Variants in DNMBP observed in about 807,000 individuals in gnomAD.
DNMBP encodes dynamin-binding protein.
Under a neutral mutation model 150.0 loss-of-function variants are expected in DNMBP, and 87 were observed. The observed-to-expected ratio is 0.58, with a 90% CI of 0.49 to 0.69. The LOEUF (loss-of-function observed/expected upper bound fraction) is 0.69, where lower values mean the gene tolerates loss of function less well. Ranked by LOEUF, DNMBP falls within the 30% of genes least tolerant of loss-of-function variation. The probability of loss-of-function intolerance (pLI) is 0.00; values close to 1 mark genes in which losing one functional copy is unlikely to be tolerated. For synonymous variants in DNMBP, 711 were observed against 750.4 expected (o/e 0.95, Z 0.86); for missense variants, 1,774 against 1,949.0 (o/e 0.91, Z 1.69).
At chr10:99,969,616 G>A (rs187076102) in intron 2 of DNMBP, among the ~76,000 whole-genome samples, 2 of 152,256 alleles carry the variant, frequency 1.3e-5, no homozygotes, top group Non-Finnish European at 2.9e-5. Context: ...AAATTGTTAC[G>A]GAAGTTCAGA....
At chr10:99,909,376 T>C (rs1019559425) in intron 4 of DNMBP, among the ~76,000 whole-genome samples, 1 of 152,192 alleles carries the variant, frequency 6.6e-6, no homozygotes, top group African/African-American at 2.4e-5. Context: ...GAATGTGTCC[T>C]GAAAAGAAGT....
intron 4 of DNMBP, among the ~76,000 whole-genome samples, chr10:99,919,725 T>C (rs1346875972): frequency 1.3e-5 from 2 of 152,202 alleles, no homozygotes; most frequent in Non-Finnish European, 2.9e-5. Context: ...AAGCGGAGGC[T>C]ACAGTGAGCC....
chr10:99,880,137 GA>G lies in DNMBP; in HGVS notation c.4221del (p.Pro1408LeufsTer15). The G allele has an allele frequency of 6.2e-7, 1 of 1,614,154 alleles. No homozygotes were observed. Among genetic ancestry groups the G allele is most frequent in the Non-Finnish European group, 8.5e-7 (1 of 1,180,036 alleles). ...GSCQKQPQDA[S>X]PPPKECDQGT... ...CCTTGGTCACATTCTTTTGGCGGAG[GA>G]GATGCATCTTGAGGCTGCTTCTGGC... On this transcript the variant is annotated frameshift_variant, in exon 16 of 17. Transcript: ENST00000324109. LOFTEE classifies it high-confidence loss of function.
intron 6 of DNMBP, among the ~76,000 whole-genome samples, chr10:99,901,493 T>TA (rs947678243): frequency 1.6e-4 from 24 of 152,056 alleles, no homozygotes; most frequent in South Asian, 6.2e-4. Flanking sequence ...TAAAAACTAG[T>TA]AAAAAAAATA....
At chr10:99,907,865 AACCTCTGGACTAAGTACC>A in intron 6 of DNMBP, 112 bp downstream of exon 6, 1 of 640,888 alleles carries the variant, frequency 1.6e-6, no homozygotes, top group Non-Finnish European at 2.7e-6. Context: ...GAGGACAAGT[AACCTCTGGACTAAGTACC>A]TACACCTGTA....
At position 99,907,940 on chromosome 10, in the gene DNMBP, C is replaced by T. The variant is rs897161852; in HGVS notation, c.2554+55G>A. ...TCAGTATCAGGAAGGCCACTTACTC[C>T]TGCCCATGAAGTTTTTTTAAAAAGC... is the stretch of plus-strand genomic sequence containing the variant. On this transcript the variant is annotated intron_variant, in intron 6 of 16. Transcript: ENST00000324109. The T allele has an allele frequency of 2.2e-6, 3 of 1,368,654 alleles. No homozygotes were observed. In the African/African-American group the frequency reaches 4.3e-5, roughly 20 times the overall value. 84.8% of individuals were successfully genotyped at this position (1,368,654 alleles called of 1,614,324 possible). A position where few individuals can be genotyped will look rare whatever the true frequency, so the allele number is the denominator to read the frequency against.
In DNMBP at chr10:99,886,509, G is replaced by C; in HGVS notation, c.3409C>G (p.Arg1137Gly). Residue 1137 changes from arginine to glycine, a missense_variant, in exon 13 of 17, where the codon CGG becomes GGG. By Grantham distance (125) the Arg-to-Gly change is moderately radical (BLOSUM62 -2). This residue lies in a region of DNMBP where 1,430 missense variants were observed against 1,492.5 expected (regional missense o/e 0.96). Transcript: ENST00000324109. ...TTCTTGTCCTTTAGCTTTTCTGCCCGTTCTGTACAGTTATAGAAGTCCAGG... is the reference window on the plus strand; with the variant it reads ...TTCTTGTCCTTTAGCTTTTCTGCCCCTTCTGTACAGTTATAGAAGTCCAGG... ...KLLDFYNCTE[R>G]AEKLKDKKTL... is the part of the protein sequence containing the mutation. The C allele has an allele frequency of 6.2e-7, 1 of 1,614,144 alleles. No individual in the cohort carries two copies. Among genetic ancestry groups the C allele is most frequent in the Non-Finnish European group, 8.5e-7 (1 of 1,180,022 alleles).
At chr10:99,962,873 CATATA>C (rs991417882) in intron 3 of DNMBP, among the ~76,000 whole-genome samples, 6 of 152,170 alleles carry the variant, frequency 3.9e-5, no homozygotes, top group African/African-American at 1.2e-4. Context: ...CCCCTGAACC[CATATA>C]ATAAGGCTTG....
At position 100,001,319 on chromosome 10, in the gene DNMBP, C is replaced by A. The variant is rs1252552444; in HGVS notation, c.-11+8519G>T. On this transcript the variant is annotated intron_variant, in intron 1 of 16. Transcript: ENST00000324109. ...GGCAGGTAGACATTGAATCTCCTCA[C>A]CATAGGGATGTTCACCTATGAATTC... is the stretch of plus-strand genomic sequence containing the variant. 2.1e-5 allele frequency among the ~76,000 whole-genome samples: 3 copies of A among 143,576 alleles called. No individual in the cohort carries two copies. The Admixed American group carries it at 2.1e-4, about 10-fold the overall frequency. 94.2% of individuals were successfully genotyped at this position (143,576 alleles called of 152,430 possible). A position where few individuals can be genotyped will look rare whatever the true frequency, so the allele number is the denominator to read the frequency against.
intron 1 of DNMBP, among the ~76,000 whole-genome samples, chr10:100,006,018 C>T (rs1180189652): frequency 6.6e-6 from 1 of 152,120 alleles, no homozygotes; most frequent in Non-Finnish European, 1.5e-5. Context: ...CTACGATAAA[C>T]ACAGAATTGT....
intron 1 of DNMBP, among the ~76,000 whole-genome samples, chr10:99,983,674 C>T (rs2040801815): frequency 1.3e-5 from 2 of 152,224 alleles, no homozygotes; most frequent in Non-Finnish European, 2.9e-5. Context: ...ACTCACCACA[C>T]GGACTCTGGT....
chr10:99,942,496 C>A (rs973821710), intron 4 of DNMBP, among the ~76,000 whole-genome samples: 1 of 152,132 alleles, frequency 6.6e-6, no homozygotes, highest in Admixed American at 6.5e-5. Flanking sequence ...TGGGAACACT[C>A]GCAACTAAGG....
chr10:99,923,891 C>T (rs369413503), intron 4 of DNMBP, among the ~76,000 whole-genome samples: 1 of 115,900 alleles, frequency 8.6e-6, no homozygotes, highest in Non-Finnish European at 1.7e-5. Context: ...TAGTGGCTCA[C>T]GTCTGTAATC....
At chr10:99,885,257 T>C (rs2039438667) in intron 14 of DNMBP, among the ~76,000 whole-genome samples, 1 of 152,160 alleles carries the variant, frequency 6.6e-6, no homozygotes, top group South Asian at 2.1e-4. Flanking sequence ...ATGCCTGTAA[T>C]CCCAGCACTT....
intron 15 of DNMBP, 47 bp from the exon 16 acceptor site, chr10:99,880,408 T>C (rs2039348934): frequency 6.7e-7 from 1 of 1,490,310 alleles, no homozygotes; most frequent in South Asian, 1.4e-5. Context: ...AGCAGAAGGC[T>C]GGACAGACAG....
Position 99,898,068 on chromosome 10 carries a change from C to A in DNMBP, c.2920+18G>T, listed in dbSNP as rs2039682201. ...CTCAAAGGGCATACCTCCTTTTCAG[C>A]AATTATGCTGTTCTTACCCAGGTCC... is the stretch of plus-strand genomic sequence containing the variant. On this transcript the variant is annotated intron_variant, in intron 9 of 16. Transcript: ENST00000324109. 1 of 1,604,204 alleles carries A rather than the reference C, an allele frequency of 6.2e-7. No homozygotes were observed. Among genetic ancestry groups the A allele is most frequent in the Non-Finnish European group, 8.5e-7 (1 of 1,171,040 alleles).
chr10:99,897,122 A>G (rs1175813991), intron 9 of DNMBP, among the ~76,000 whole-genome samples: 1 of 152,232 alleles, frequency 6.6e-6, no homozygotes, highest in Non-Finnish European at 1.5e-5. Flanking sequence ...ATGGAAAGAC[A>G]AAAAGGTTAC....
At chr10:99,991,933 C>G (rs947059086) in intron 1 of DNMBP, among the ~76,000 whole-genome samples, 1 of 145,210 alleles carries the variant, frequency 6.9e-6, no homozygotes, top group African/African-American at 2.6e-5. Context: ...GAAATATGAT[C>G]AGCTTAGAGC....
At chr10:99,951,074 T>G (rs2040416929) in intron 4 of DNMBP, among the ~76,000 whole-genome samples, 1 of 152,214 alleles carries the variant, frequency 6.6e-6, no homozygotes, top group South Asian at 2.1e-4. Context: ...TGGTGCCCTG[T>G]GTCCCAGCTG....
Sources: allele counts gnomAD v4.1 joint callset (sites outside exome capture counted in the v4.1 genomes callset), GRCh38; gene constraint gnomAD v4.1.1; regional missense constraint gnomAD v4.1.1; transcripts MANE v1.5; gene names NCBI Gene and HGNC (gene_info 2026-07-23, HGNC 2026-07-21).